The following PFKFB3 variants were observed in gnomAD, a reference collection of about 807,000 sequenced individuals.
The protein encoded by PFKFB3 is 6-phosphofructo-2-kinase/fructose-2,6-bisphosphatase 3.
In PFKFB3, 33 loss-of-function variants were observed where a neutral mutation model predicts 68.0. That is an observed-to-expected ratio of 0.49 (90% CI 0.37 to 0.65). PFKFB3 has a LOEUF of 0.65. PFKFB3 is among the 30% of genes least tolerant of loss of function. The probability of loss-of-function intolerance (pLI) is 0.00; values close to 1 mark genes in which losing one functional copy is unlikely to be tolerated. For missense variants in PFKFB3, 586 were observed against 712.2 expected (o/e 0.82, Z 2.02); for synonymous variants, 315 against 288.2 (o/e 1.09, Z -0.94).
chr10:6,148,628 C>T (rs1320221307), intron 1 of PFKFB3, among the ~76,000 whole-genome samples: 5 of 152,150 alleles, frequency 3.3e-5, no homozygotes, highest in South Asian at 2.1e-4. Flanking sequence ...AGTATCTTGA[C>T]GTGAAACATA....
chr10:6,227,933 G>A (rs943063499), intron 14 of PFKFB3, among the ~76,000 whole-genome samples: 4 of 152,160 alleles, frequency 2.6e-5, no homozygotes, highest in African/African-American at 7.2e-5. Flanking sequence ...CTGCTTTGAT[G>A]CTTGGGGGGA....
Position 6,254,270 on chromosome 10 carries a change from C to CGTGG in PFKFB3, c.1609_1612dup (p.Ala538GlyfsTer38). Reference sequence around the variant, plus strand: ...TTCTCTGGATACCCAGAGAGGTGACCGTGGCATCCAGGAGTGGACCCGGGG... The same window carrying CGTGG: ...TTCTCTGGATACCCAGAGAGGTGACCGTGGGTGGCATCCAGGAGTGGACCCGGGG... On this transcript the variant is annotated frameshift_variant, in exon 15 of 15. Transcript: ENST00000640683. LOFTEE classifies it low-confidence loss of function (END_TRUNC). 2.5e-6 allele frequency: 1 copy of CGTGG among 398,540 alleles called. No individual in the cohort carries two copies. 24.7% of individuals were successfully genotyped at this position (398,540 alleles called of 1,614,324 possible). A position where few individuals can be genotyped will look rare whatever the true frequency, so the allele number is the denominator to read the frequency against.
At chr10:6,218,842 T>A (rs1369725987) in intron 6 of PFKFB3, among the ~76,000 whole-genome samples, 1 of 152,236 alleles carries the variant, frequency 6.6e-6, no homozygotes, top group Non-Finnish European at 1.5e-5. Context: ...GCTGAAACTG[T>A]GCCAGGACAC....
chr10:6,146,053 T>A (rs1282344111), intron 1 of PFKFB3, among the ~76,000 whole-genome samples: 1 of 151,972 alleles, frequency 6.6e-6, no homozygotes, highest in Non-Finnish European at 1.5e-5. Flanking sequence ...TTGGGAGGGG[T>A]TGAGTTCTGG....
Position 6,221,484 on chromosome 10 carries a change from G to A in PFKFB3, c.935G>A (p.Arg312Gln), listed in dbSNP as rs774521447. Residue 312 changes from arginine (R) to glutamine (Q), a missense_variant, in exon 9 of 15, where the codon CGG (arginine) becomes CAG (glutamine). Arg to Gln is a conservative substitution (Grantham distance 43). Coordinates refer to ENST00000379775, the MANE Select transcript of PFKFB3 (RefSeq NM_004566.4). ...ACCATCCAGACGGCCGAGGCGCTGC[G>A]GCTGCCCTACGAGCAGTGGAAGGCG... The part of the protein sequence containing the change: ...KSTIQTAEAL[R>Q]LPYEQWKALN... The A allele has an allele frequency of 2.4e-5, 39 of 1,613,480 alleles. No individual in the cohort carries two copies. Among genetic ancestry groups the A allele is most frequent in the Middle Eastern group, 3.3e-4 (2 of 6,084 alleles).
In PFKFB3 at chr10:6,228,779, G is replaced by A. The variant is rs1318790164; in HGVS notation, c.1515+2414G>A. Among the ~76,000 whole-genome samples the A allele has an allele frequency of 6.6e-6, 1 of 152,180 alleles. No homozygotes were observed. Among genetic ancestry groups the A allele is most frequent in the Non-Finnish European group, 1.5e-5 (1 of 68,028 alleles). On this transcript the variant is annotated intron_variant, in intron 14 of 14. Transcript: ENST00000379775. The surrounding 1 kb of genome is among the most constrained non-coding windows in gnomAD (Gnocchi z 4.5). ...AAAGAGCTCCGAGTGGAGACCCTTGGGGATCCGTTTGTCCTGGGTTGGAGC... is the reference window on the plus strand; with the variant it reads ...AAAGAGCTCCGAGTGGAGACCCTTGAGGATCCGTTTGTCCTGGGTTGGAGC...
At chr10:6,308,518 AAAAT>A in the PFKFB3 span, among the ~76,000 whole-genome samples, 1 of 152,234 alleles carries the variant, frequency 6.6e-6, no homozygotes, top group Non-Finnish European at 1.5e-5. Context: ...TCTGTCTCAA[AAAAT>A]AAATAAAATA....
chr10:6,217,273 TC>T, intron 6 of PFKFB3, 82 bp downstream of exon 6: 1 of 1,289,638 alleles, frequency 7.8e-7, no homozygotes, highest in Non-Finnish European at 1.1e-6. Context: ...GGGGACCGGG[TC>T]CGGCTCGGAA....
Position 6,221,649 on chromosome 10 carries a change from TGAG to T in PFKFB3, c.991_993del (p.Glu331del). The T allele has an allele frequency of 6.2e-7, 1 of 1,610,660 alleles. No homozygotes were observed. On this transcript the variant is annotated inframe_deletion, in exon 10 of 15. Coordinates refer to ENST00000379775, the MANE Select transcript of PFKFB3 (RefSeq NM_004566.4). ...CCACTGGGTCCCCGCAGGGCGTCTG[TGAG>T]GAGCTGACCTACGAGGAGATCAGGG...
At chr10:6,239,191 C>G (rs1846088390), downstream of PFKFB3, among the ~76,000 whole-genome samples, 3 of 152,166 alleles carry the variant, frequency 2.0e-5, no homozygotes, top group Admixed American at 1.3e-4. Flanking sequence ...GTTCCTGGCA[C>G]AGAGAGAGCA....
chr10:6,154,403 G>A lies in PFKFB3; in HGVS notation c.16+9390G>A, dbSNP rs979704600. 6.6e-6 allele frequency among the ~76,000 whole-genome samples: 1 copy of A among 152,064 alleles called. No individual in the cohort carries two copies. Among genetic ancestry groups the A allele is most frequent in the African/African-American group, 2.4e-5 (1 of 41,370 alleles). On this transcript the variant is annotated intron_variant, in intron 1 of 14. Transcript: ENST00000379789. This position sits in a 1 kb window ranked among gnomAD's most constrained non-coding sequence, Gnocchi z 4.6. ...TGGGATTACAGGTGCATGCTACCGC[G>A]TCCAGCTAATTTTTTTGTATTTTTA...
At chr10:6,320,257 A>G in the PFKFB3 span, among the ~76,000 whole-genome samples, 12,894 of 152,232 alleles carry the variant, frequency 0.085, 1,508 homozygotes, top group East Asian at 0.5. Context: ...CACAGCCTAC[A>G]GTGGATAAAT....
At chr10:6,184,158 T>C (rs997819112) in intron 1 of PFKFB3, among the ~76,000 whole-genome samples, 1 of 151,986 alleles carries the variant, frequency 6.6e-6, no homozygotes, top group Non-Finnish European at 1.5e-5. Context: ...GTTCAAGTGA[T>C]CCTTGTGCGT....
intron 14 of PFKFB3, among the ~76,000 whole-genome samples, chr10:6,250,882 TAGTC>T (rs1350648276): frequency 6.6e-6 from 1 of 152,214 alleles, no homozygotes; most frequent in Admixed American, 6.5e-5. Flanking sequence ...CAACCTGTCT[TAGTC>T]AGGATGGTAT....
intron 2 of PFKFB3, among the ~76,000 whole-genome samples, chr10:6,214,839 C>T (rs571803549): frequency 1.3e-5 from 2 of 152,244 alleles, no homozygotes; most frequent in Non-Finnish European, 2.9e-5. Flanking sequence ...AGGCCCCACT[C>T]GCTTTCTGAT....
chr10:6,249,197 AAAAAAAG>A (rs1368785476), intron 14 of PFKFB3, among the ~76,000 whole-genome samples: 1 of 146,902 alleles, frequency 6.8e-6, no homozygotes, highest in East Asian at 2.7e-4. Context: ...AAAAAAAAAA[AAAAAAAG>A]AAAAGAAAAG....
chr10:6,306,375 C>G, the PFKFB3 span, among the ~76,000 whole-genome samples: 1 of 152,184 alleles, frequency 6.6e-6, no homozygotes, highest in Admixed American at 6.5e-5. Context: ...TTGAAAATAT[C>G]TGTGGAATGG....
exon 15 of PFKFB3, chr10:6,254,613 G>C: frequency 3.0e-6 from 1 of 337,996 alleles, no homozygotes; most frequent in Non-Finnish European, 5.3e-6. Context: ...TTCACTTTCA[G>C]TACAATGTTC....
downstream of PFKFB3, among the ~76,000 whole-genome samples, chr10:6,256,458 T>G (rs1261509653): frequency 2.0e-5 from 3 of 152,134 alleles, no homozygotes; most frequent in African/African-American, 7.2e-5. Flanking sequence ...CTCTACATGG[T>G]CCCCAGCTGG....
Sources: gnomAD v4.1 joint callset for allele counts (sites outside exome capture counted in the v4.1 genomes callset) on GRCh38, gnomAD v4.1.1 for gene constraint, Gnocchi (gnomAD v3.1) non-coding constraint, MANE v1.5 for transcripts, NCBI Gene and HGNC (gene_info 2026-07-23, HGNC 2026-07-21) for gene names.